NRXN1: variants seen among roughly 807,000 people sequenced by gnomAD.
NRXN1 encodes the protein neurexin 1.
NRXN1 carries 39 observed loss-of-function variants against 150.9 expected under a neutral mutation model. The ratio of observed to expected loss-of-function variants is 0.26; its 90% CI spans 0.20 to 0.34. The LOEUF is 0.34. Among genes scored for constraint, NRXN1 ranks in the 10% least tolerant of loss-of-function variants. The pLI is 1.00. For synonymous variants in NRXN1, 924 were observed against 757.0 expected (o/e 1.22, Z -3.62); for missense variants, 1,815 against 1,949.9 (o/e 0.93, Z 1.30).
chr2:50,718,762 T>C (rs1696202791), intron 5 of NRXN1, among the ~76,000 whole-genome samples: 1 of 152,078 alleles, frequency 6.6e-6, no homozygotes, highest in Admixed American at 6.6e-5. Flanking sequence ...AAAAATTTCA[T>C]ACTTGAGAGA....
intron 12 of NRXN1, among the ~76,000 whole-genome samples, chr2:50,522,346 TGAA>T (rs1229595622): frequency 1.3e-5 from 2 of 152,202 alleles, no homozygotes; most frequent in African/African-American, 2.4e-5. Flanking sequence ...TCTCAACAAT[TGAA>T]GAGAATTTGA....
chr2:50,411,757 C>T (rs554527430), intron 17 of NRXN1, among the ~76,000 whole-genome samples: 29 of 152,050 alleles, frequency 1.9e-4, no homozygotes, highest in Non-Finnish European at 2.6e-4. Flanking sequence ...TCTGCCCGGC[C>T]GCCCCATCTG....
chr2:50,356,229 C>T (rs543784886), intron 17 of NRXN1, among the ~76,000 whole-genome samples: 1 of 152,094 alleles, frequency 6.6e-6, no homozygotes, highest in Admixed American at 6.6e-5. Context: ...TATAGCAAAA[C>T]TTATCATCTA....
chr2:50,798,899 C>G (rs1278483381), intron 5 of NRXN1, among the ~76,000 whole-genome samples: 1 of 152,136 alleles, frequency 6.6e-6, no homozygotes, highest in Non-Finnish European at 1.5e-5. Flanking sequence ...TACATAGGCA[C>G]TTGAGTTATT....
chr2:50,834,938 C>T (rs748244604), intron 5 of NRXN1, among the ~76,000 whole-genome samples: 1 of 152,136 alleles, frequency 6.6e-6, no homozygotes, highest in Non-Finnish European at 1.5e-5. Context: ...TCTTAGCCTA[C>T]TTTTGTGTCA....
intron 19 of NRXN1, among the ~76,000 whole-genome samples, chr2:50,067,561 C>T (rs1695551983): frequency 6.6e-6 from 1 of 152,104 alleles, no homozygotes; most frequent in Admixed American, 6.5e-5. Context: ...AAGCAGGTAA[C>T]AAAATACAGA....
intron 21 of NRXN1, among the ~76,000 whole-genome samples, chr2:49,981,739 G>A (rs1028501934): frequency 2.0e-5 from 3 of 152,004 alleles, no homozygotes; most frequent in Non-Finnish European, 1.5e-5. Flanking sequence ...GCTCAGCTTG[G>A]ACTGAATATA....
intron 5 of NRXN1, chr2:50,916,856 G>A (rs552717814): frequency 2.6e-5 from 4 of 151,758 alleles, no homozygotes; most frequent in African/African-American, 9.6e-5. Context: ...AGTAATACAT[G>A]TAACAAGATT....
intron 17 of NRXN1, among the ~76,000 whole-genome samples, chr2:50,453,096 T>A (rs767283447): frequency 1.3e-5 from 2 of 152,198 alleles, no homozygotes; most frequent in African/African-American, 2.4e-5. Context: ...TTTACAAAAT[T>A]TCTTTGGGAA....
intron 5 of NRXN1, among the ~76,000 whole-genome samples, chr2:50,857,292 G>C (rs1675409905): frequency 6.6e-6 from 1 of 152,024 alleles, no homozygotes; most frequent in Non-Finnish European, 1.5e-5. Context: ...TTGGGGCAAG[G>C]ATAGTGGGGT....
intron 5 of NRXN1, chr2:50,912,203 T>TG (rs917557501): frequency 6.6e-6 from 1 of 151,832 alleles, no homozygotes; most frequent in Non-Finnish European, 1.5e-5. Flanking sequence ...TTAGATCTTC[T>TG]GGGGGAAGGA....
At chr2:50,226,385 TG>T (rs2064380813) in intron 18 of NRXN1, among the ~76,000 whole-genome samples, 1 of 151,976 alleles carries the variant, frequency 6.6e-6, no homozygotes, top group African/African-American at 2.4e-5. Flanking sequence ...ATAATGATTA[TG>T]TAGTAAATTA....
At chr2:50,601,661 G>A (rs188935427) in intron 8 of NRXN1, among the ~76,000 whole-genome samples, 74 of 152,308 alleles carry the variant, frequency 4.9e-4, no homozygotes, top group Middle Eastern at 3.4e-3. Flanking sequence ...CAATGTTGCC[G>A]TCCATTAAGG....
At chr2:50,385,346 C>A (rs139330544) in intron 17 of NRXN1, among the ~76,000 whole-genome samples, 135 of 152,294 alleles carry the variant, frequency 8.9e-4, no homozygotes, top group Middle Eastern at 3.4e-3. Context: ...AGTATTAAAT[C>A]TTCTCATGTC....
intron 18 of NRXN1, among the ~76,000 whole-genome samples, chr2:50,204,911 T>C (rs1300160659): frequency 6.6e-6 from 1 of 152,118 alleles, no homozygotes; most frequent in East Asian, 1.9e-4. Flanking sequence ...TCTGGTGTTA[T>C]TCCTACTAAA....
intron 21 of NRXN1, among the ~76,000 whole-genome samples, chr2:50,008,063 G>T (rs62132489): frequency 0.47 from 70,744 of 151,942 alleles, 17,075 homozygotes; most frequent in Middle Eastern, 0.59. Flanking sequence ...CTCTTTAAAT[G>T]TGTATAACCA....
At chr2:50,026,647 T>C (rs971355556) in intron 21 of NRXN1, among the ~76,000 whole-genome samples, 1 of 152,030 alleles carries the variant, frequency 6.6e-6, no homozygotes, top group African/African-American at 2.4e-5. Context: ...TGCATACTCA[T>C]AGAATTTTAA....
At chr2:50,714,628 G>A (rs1398230069) in intron 5 of NRXN1, among the ~76,000 whole-genome samples, 1 of 152,066 alleles carries the variant, frequency 6.6e-6, no homozygotes, top group Non-Finnish European at 1.5e-5. Flanking sequence ...GCTCAGAGTT[G>A]GAAACTGAAA....
intron 5 of NRXN1, among the ~76,000 whole-genome samples, chr2:50,804,601 A>C (rs1241407413): frequency 2.0e-5 from 3 of 152,206 alleles, no homozygotes; most frequent in Non-Finnish European, 4.4e-5. Context: ...ATGTGAATAC[A>C]GTTAACACTG....
Sources: gnomAD v4.1 joint callset for allele counts (sites outside exome capture counted in the v4.1 genomes callset) on GRCh38, gnomAD v4.1.1 for gene constraint, MANE v1.5 for transcripts, NCBI Gene and HGNC (gene_info 2026-07-23, HGNC 2026-07-21) for gene names.